Variants in SMAD2 observed in about 807,000 individuals in gnomAD.
SMAD2 encodes MAD homolog 2.
Under a neutral mutation model 64.4 loss-of-function variants are expected in SMAD2, and 8 were observed. The observed-to-expected ratio is 0.12, with a 90% confidence interval of 0.07 to 0.22. The LOEUF (loss-of-function observed/expected upper bound fraction) is 0.22. SMAD2 is among the 10% of genes least tolerant of loss of function. SMAD2 has a pLI of 1.00. For missense variants in SMAD2, 289 were observed against 561.2 expected (o/e 0.51, Z 4.90); for synonymous variants, 203 against 195.8 (o/e 1.04, Z -0.31).
intron 5 of SMAD2, among the ~76,000 whole-genome samples, chr18:47,867,538 A>C (rs913455971): frequency 1.3e-4 from 20 of 151,918 alleles, no homozygotes; most frequent in African/African-American, 4.8e-5. Context: ...AGGAAGAAAG[A>C]AATCGAGACA....
chr18:47,895,344 C>A (rs1482440259), intron 2 of SMAD2: 9 of 152,266 alleles, frequency 5.9e-5, no homozygotes, highest in African/African-American at 1.2e-4. Flanking sequence ...CCAAGCTCCA[C>A]GCAAGCATCA....
In SMAD2 at chr18:47,839,788, T is replaced by C; in HGVS notation, c.*2039A>G. On this transcript the variant is annotated 3_prime_UTR_variant, in exon 11 of 11. Transcript: ENST00000262160. ...GTGAACCTTTTTGCATTTGATGCTATTCTCTTTGCCAGGAATGCTTATCTC... is the reference window on the plus strand; with the variant it reads ...GTGAACCTTTTTGCATTTGATGCTACTCTCTTTGCCAGGAATGCTTATCTC... The C allele has an allele frequency of 4.3e-6, 1 of 233,276 alleles. No individual in the cohort carries two copies. The highest frequency in any genetic ancestry group is 8.5e-6 in the Non-Finnish European group (1 of 118,036). The allele number at this position is 233,276 out of a possible 1,614,324, so 14.5% of individuals were successfully genotyped here. A position where few individuals can be genotyped will look rare whatever the true frequency, so the allele number is the denominator to read the frequency against.
chr18:47,865,494 T>TG (rs1394638003), intron 5 of SMAD2, among the ~76,000 whole-genome samples: 1 of 152,210 alleles, frequency 6.6e-6, no homozygotes, highest in African/African-American at 2.4e-5. Context: ...TTTTTGTTGT[T>TG]GTTGTTTAAT....
At chr18:47,874,749 T>C (rs1036166026) in intron 2 of SMAD2, among the ~76,000 whole-genome samples, 1 of 152,088 alleles carries the variant, frequency 6.6e-6, no homozygotes, top group African/African-American at 2.4e-5. Context: ...AAGACACACA[T>C]ACATCATGGA....
At chr18:47,921,833 A>C (rs542327935) in intron 1 of SMAD2, among the ~76,000 whole-genome samples, 1 of 152,238 alleles carries the variant, frequency 6.6e-6, no homozygotes, top group Non-Finnish European at 1.5e-5. Context: ...AACTGTATAC[A>C]TAAGAGAAAA....
chr18:47,866,437 A>G (rs1249270032), intron 5 of SMAD2, among the ~76,000 whole-genome samples: 1 of 151,778 alleles, frequency 6.6e-6, no homozygotes. Context: ...CAAACTTTTC[A>G]TTTAAGTGTC....
intron 1 of SMAD2, among the ~76,000 whole-genome samples, chr18:47,903,885 G>A (rs909515803): frequency 3.0e-5 from 4 of 135,232 alleles, no homozygotes; most frequent in African/African-American, 1.1e-4. Context: ...GTGGGGGGGG[G>A]GGGGACTCAG....
intron 3 of SMAD2, 45 bp downstream of exon 3, chr18:47,870,430 C>A (rs2144383504): frequency 7.2e-7 from 1 of 1,392,396 alleles, no homozygotes. Flanking sequence ...AATATACCCC[C>A]CTCCCACAAG....
intron 6 of SMAD2, among the ~76,000 whole-genome samples, chr18:47,855,628 T>C (rs1023197993): frequency 5.9e-5 from 9 of 152,018 alleles, no homozygotes; most frequent in African/African-American, 2.2e-4. Context: ...AGGGGTACTT[T>C]TTTCTTTTTT....
intron 2 of SMAD2, among the ~76,000 whole-genome samples, chr18:47,877,539 T>C (rs1328783185): frequency 2.0e-5 from 3 of 152,168 alleles, no homozygotes; most frequent in African/African-American, 4.8e-5. Context: ...ACAAATATAA[T>C]TGAAAGACAC....
At chr18:47,906,895 T>C (rs1008553573) in intron 1 of SMAD2, among the ~76,000 whole-genome samples, 1 of 152,160 alleles carries the variant, frequency 6.6e-6, no homozygotes, top group Non-Finnish European at 1.5e-5. Context: ...TAGTAAGAGC[T>C]CTTGGCATTA....
chr18:47,849,777 G>A (rs1353072904), intron 7 of SMAD2, among the ~76,000 whole-genome samples: 6 of 152,152 alleles, frequency 3.9e-5, no homozygotes, highest in East Asian at 1.9e-4. Context: ...GGAGGTCAAG[G>A]TGGGTGATTC....
chr18:47,890,716 G>C (rs1315210572), intron 2 of SMAD2, among the ~76,000 whole-genome samples: 1 of 152,152 alleles, frequency 6.6e-6, no homozygotes, highest in Non-Finnish European at 1.5e-5. Flanking sequence ...TTGAAATTCA[G>C]AGTTCCCTCC....
chr18:47,891,202 G>A (rs1249930807), intron 2 of SMAD2, among the ~76,000 whole-genome samples: 2 of 152,230 alleles, frequency 1.3e-5, no homozygotes, highest in African/African-American at 2.4e-5. Flanking sequence ...CTACTTGGGA[G>A]GCTGAGGCAG....
rs1913252727 is a variant in SMAD2 at position 47,834,759 on chromosome 18, G to C, written c.*7068C>G. The C allele has an allele frequency of 9.0e-6, 2 of 221,256 alleles. No individual in the cohort carries two copies. The highest frequency in any genetic ancestry group is 1.2e-4 in the Admixed American group (2 of 17,330). 13.7% of individuals were successfully genotyped at this position (221,256 alleles called of 1,614,324 possible). ...GACAAATCTTCTAAAGGTTCTTCTA[G>C]CTTTGTCCAGTTATATGGTATTTTA... On this transcript the variant is annotated 3_prime_UTR_variant, in exon 11 of 11. Coordinates refer to ENST00000262160, the MANE Select transcript of SMAD2 (RefSeq NM_005901.6).
At position 47,850,420 on chromosome 18, in the gene SMAD2, A is replaced by T. The variant is rs35183592; in HGVS notation, c.784+854T>A. Among the ~76,000 whole-genome samples, 18 of 13,004 alleles carry T rather than the reference A, an allele frequency of 1.4e-3. 4 individuals carry two copies. The highest frequency in any genetic ancestry group is 2.3e-3 in the Admixed American group (1 of 440). The allele number at this position is 13,004 out of a possible 152,430, so 8.5% of individuals were successfully genotyped here. ...ATTATATATTATGTATAATATATAT[A>T]ATATATTATATATATTATGTATAAT... On this transcript the variant is annotated intron_variant, in intron 7 of 10. Coordinates refer to ENST00000262160, the MANE Select transcript of SMAD2 (RefSeq NM_005901.6).
chr18:47,869,188 A>G (rs2144376927), intron 4 of SMAD2, 55 bp downstream of exon 4: 1 of 1,286,382 alleles, frequency 7.8e-7, no homozygotes, highest in Non-Finnish European at 1.1e-6. Flanking sequence ...ACTTAAATAT[A>G]CTGAAGTTCA....
At chr18:47,863,898 T>TA in intron 6 of SMAD2, among the ~76,000 whole-genome samples, 1 of 152,130 alleles carries the variant, frequency 6.6e-6, no homozygotes, top group East Asian at 1.9e-4. Flanking sequence ...CTACTAGCGA[T>TA]ATATGAGGAC....
At chr18:47,923,722 C>T (rs993241806) in intron 1 of SMAD2, 4 of 152,160 alleles carry the variant, frequency 2.6e-5, no homozygotes, top group African/African-American at 9.7e-5. Flanking sequence ...CAGCTTTACT[C>T]CTTTTATCTG....
Sources: allele counts gnomAD v4.1 joint callset (sites outside exome capture counted in the v4.1 genomes callset), GRCh38; gene constraint gnomAD v4.1.1; transcripts MANE v1.5; gene names NCBI Gene and HGNC (gene_info 2026-07-23, HGNC 2026-07-21).